ZNF385D: variants seen among roughly 807,000 people sequenced by gnomAD.
The protein encoded by ZNF385D is zinc finger protein 659.
In ZNF385D, 15 loss-of-function variants were observed where a neutral mutation model predicts 35.8. The ratio of observed to expected loss-of-function variants is 0.42; its 90% confidence interval spans 0.28 to 0.64. The LOEUF is 0.64. ZNF385D is among the 30% of genes least tolerant of loss of function. The pLI, the probability that ZNF385D is intolerant of heterozygous loss-of-function variation, is 0.23. For missense variants in ZNF385D, 474 were observed against 494.6 expected (o/e 0.96, Z 0.39); for synonymous variants, 212 against 186.8 (o/e 1.13, Z -1.10).
At chr3:21,970,551 A>G (rs954321196) in intron 3 of ZNF385D, among the ~76,000 whole-genome samples, 1 of 152,060 alleles carries the variant, frequency 6.6e-6, no homozygotes, top group Non-Finnish European at 1.5e-5. Flanking sequence ...GCATGCTTGG[A>G]AAACCTAGAA....
chr3:21,496,515 TAC>T (rs1175263217), intron 4 of ZNF385D, among the ~76,000 whole-genome samples: 1 of 119,216 alleles, frequency 8.4e-6, no homozygotes, highest in Non-Finnish European at 1.7e-5. Context: ...CATATATATA[TAC>T]ACATATATTT....
intron 2 of ZNF385D, among the ~76,000 whole-genome samples, chr3:22,336,878 C>CCTTGAA (rs1248018451): frequency 3.2e-5 from 3 of 93,398 alleles, no homozygotes; most frequent in African/African-American, 8.0e-5. Flanking sequence ...TGAATGACAT[C>CCTTGAA]CTTGAAACCA....
intron 2 of ZNF385D, among the ~76,000 whole-genome samples, chr3:22,177,404 G>C (rs1431135821): frequency 6.6e-6 from 1 of 151,960 alleles, no homozygotes; most frequent in South Asian, 2.1e-4. Context: ...GTTATGCCAA[G>C]AAAAAAAGTA....
At chr3:21,834,758 G>A (rs1009110600) in intron 3 of ZNF385D, among the ~76,000 whole-genome samples, 6 of 84,562 alleles carry the variant, frequency 7.1e-5, no homozygotes, top group Admixed American at 3.6e-4. Context: ...GTGGGATCTC[G>A]TGGGAGATGA....
intron 3 of ZNF385D, among the ~76,000 whole-genome samples, chr3:22,026,732 C>A (rs1000608119): frequency 2.0e-5 from 3 of 152,156 alleles, no homozygotes; most frequent in Non-Finnish European, 2.9e-5. Context: ...ATTAGAGCTG[C>A]CTCTACCTAG....
chr3:22,090,677 T>C (rs1330447590), intron 3 of ZNF385D, among the ~76,000 whole-genome samples: 2 of 152,134 alleles, frequency 1.3e-5, no homozygotes, highest in Non-Finnish European at 2.9e-5. Flanking sequence ...CCATTTCTCA[T>C]GTGAAATTTA....
chr3:21,775,297 T>C (rs1288699413), intron 3 of ZNF385D, among the ~76,000 whole-genome samples: 2 of 151,860 alleles, frequency 1.3e-5, no homozygotes, highest in African/African-American at 2.4e-5. Flanking sequence ...GGCACCTGTT[T>C]CCTAAATCAG....
chr3:22,226,001 T>G (rs7647595), intron 2 of ZNF385D, among the ~76,000 whole-genome samples: 1 of 151,930 alleles, frequency 6.6e-6, no homozygotes, highest in African/African-American at 2.4e-5. Context: ...CCCATTCCCA[T>G]TGAATTGAAA....
intron 3 of ZNF385D, among the ~76,000 whole-genome samples, chr3:21,849,147 C>T (rs1696209311): frequency 6.6e-6 from 1 of 152,064 alleles, no homozygotes; most frequent in Admixed American, 6.6e-5. Context: ...GTCACATCCC[C>T]TTTCTAATTC....
intron 3 of ZNF385D, among the ~76,000 whole-genome samples, chr3:21,920,451 GAC>G (rs1700398312): frequency 6.6e-6 from 1 of 152,054 alleles, no homozygotes; most frequent in African/African-American, 2.4e-5. Flanking sequence ...AGATATTACA[GAC>G]AGAAATATTA....
At chr3:22,173,581 G>A (rs1694611879) in intron 2 of ZNF385D, among the ~76,000 whole-genome samples, 1 of 152,148 alleles carries the variant, frequency 6.6e-6, no homozygotes, top group African/African-American at 2.4e-5. Flanking sequence ...AAAGAACTGA[G>A]AAAGAAACTT....
At chr3:21,880,173 A>C (rs1337165994) in intron 3 of ZNF385D, among the ~76,000 whole-genome samples, 2 of 151,860 alleles carry the variant, frequency 1.3e-5, no homozygotes, top group African/African-American at 4.8e-5. Flanking sequence ...ATTTTGTTAC[A>C]AAAAAAGTGA....
chr3:22,178,432 GTTT>G (rs1049797280), intron 2 of ZNF385D, among the ~76,000 whole-genome samples: 1 of 152,122 alleles, frequency 6.6e-6, no homozygotes, highest in Non-Finnish European at 1.5e-5. Flanking sequence ...TGATGGGGTT[GTTT>G]TTTTCTTGTA....
At chr3:22,091,902 G>A (rs1214249974) in intron 3 of ZNF385D, among the ~76,000 whole-genome samples, 1 of 152,154 alleles carries the variant, frequency 6.6e-6, no homozygotes, top group South Asian at 2.1e-4. Flanking sequence ...AGTATTTAGT[G>A]GAACTGTGGT....
chr3:21,493,016 A>C (rs1420838176), intron 4 of ZNF385D, among the ~76,000 whole-genome samples: 1 of 152,106 alleles, frequency 6.6e-6, no homozygotes, highest in Non-Finnish European at 1.5e-5. Context: ...ATACAAAGGC[A>C]TATAATCTGG....
intron 4 of ZNF385D, among the ~76,000 whole-genome samples, chr3:21,479,507 A>G (rs1704467497): frequency 1.3e-5 from 2 of 152,144 alleles, no homozygotes; most frequent in African/African-American, 4.8e-5. Flanking sequence ...AGATTTATTT[A>G]AGGCCAAGAA....
intron 3 of ZNF385D, among the ~76,000 whole-genome samples, chr3:22,076,245 T>C (rs1054823156): frequency 2.0e-5 from 3 of 151,936 alleles, no homozygotes; most frequent in African/African-American, 4.8e-5. Flanking sequence ...ACAATAAAGA[T>C]ACATTCTTTA....
At chr3:22,030,293 A>ATATATATT (rs1697903710) in intron 3 of ZNF385D, among the ~76,000 whole-genome samples, 1 of 97,084 alleles carries the variant, frequency 1.0e-5, no homozygotes, top group Non-Finnish European at 2.0e-5. Flanking sequence ...ATATATATAT[A>ATATATATT]TATATATATC....
chr3:21,922,516 T>A (rs1700521076), intron 3 of ZNF385D, among the ~76,000 whole-genome samples: 1 of 151,986 alleles, frequency 6.6e-6, no homozygotes, highest in African/African-American at 2.4e-5. Context: ...TTTGACAAAG[T>A]CAACAAAAAT....
Sources: allele counts gnomAD v4.1 joint callset (sites outside exome capture counted in the v4.1 genomes callset), GRCh38; gene constraint gnomAD v4.1.1; transcripts MANE v1.5; gene names NCBI Gene and HGNC (gene_info 2026-07-23, HGNC 2026-07-21).